The following EYS variants were observed in gnomAD, a reference collection of about 807,000 sequenced individuals.
The protein encoded by EYS is EGF-like photoreceptor maintenance factor, also known as protein eyes shut homolog.
EYS carries 250 observed loss-of-function variants against 282.1 expected under a neutral mutation model. That is an observed-to-expected ratio of 0.89 (90% CI 0.80 to 0.98). The LOEUF is 0.98. EYS is among the 50% of genes least tolerant of loss of function. EYS has a pLI of 0.00. For synonymous variants in EYS, 1,355 were observed against 1,282.9 expected (o/e 1.06, Z -1.20); for missense variants, 4,016 against 3,709.0 (o/e 1.08, Z -2.15).
chr6:64,354,602 C>T (rs1771761184), intron 29 of EYS, among the ~76,000 whole-genome samples: 2 of 151,288 alleles, frequency 1.3e-5, no homozygotes, highest in South Asian at 4.2e-4. Context: ...CTATTTTTTC[C>T]TTCATTTGAG....
At chr6:63,939,408 G>A (rs1428907054) in intron 35 of EYS, among the ~76,000 whole-genome samples, 4 of 152,074 alleles carry the variant, frequency 2.6e-5, no homozygotes, top group Non-Finnish European at 5.9e-5. Context: ...CACTGTTAAC[G>A]GGGTTGGGAA....
chr6:65,600,602 G>A (rs1250483703), intron 2 of EYS, among the ~76,000 whole-genome samples: 1 of 151,952 alleles, frequency 6.6e-6, no homozygotes, highest in Non-Finnish European at 1.5e-5. Context: ...TCGTGAACAC[G>A]AAAACAAGTT....
At chr6:65,562,136 T>C (rs561183367) in intron 2 of EYS, among the ~76,000 whole-genome samples, 1 of 151,984 alleles carries the variant, frequency 6.6e-6, no homozygotes, top group South Asian at 2.1e-4. Flanking sequence ...ATTAGCCTAC[T>C]ATCTGACTAC....
chr6:64,802,023 C>CTTTTTTTTTTTTTTTTTT lies in EYS; in HGVS notation c.3443+11354_3443+11355insAAAAAAAAAAAAAAAAAA, dbSNP rs1199002175. ...AGAGAGTTATAACAAATTTCTTTTT[C>CTTTTTTTTTTTTTTTTTT]TTTTTTTTTCTTTTTTTTTTTTTTT... On this transcript the variant is annotated intron_variant, in intron 22 of 42. Coordinates refer to ENST00000503581, the MANE Select transcript of EYS (RefSeq NM_001142800.2). 5.7e-5 allele frequency among the ~76,000 whole-genome samples: 4 copies of CTTTTTTTTTTTTTTTTTT among 70,780 alleles called. 1 individual carries two copies. Among genetic ancestry groups the CTTTTTTTTTTTTTTTTTT allele is most frequent in the Non-Finnish European group, 1.1e-4 (4 of 37,032 alleles). 46.4% of individuals were successfully genotyped at this position (70,780 alleles called of 152,430 possible).
intron 22 of EYS, among the ~76,000 whole-genome samples, chr6:64,792,472 G>A (rs895708929): frequency 6.6e-6 from 1 of 151,968 alleles, no homozygotes; most frequent in Non-Finnish European, 1.5e-5. Context: ...AATTATACGT[G>A]CTGTGACAGT....
At chr6:65,090,161 C>T (rs564691506) in intron 12 of EYS, among the ~76,000 whole-genome samples, 21 of 152,108 alleles carry the variant, frequency 1.4e-4, no homozygotes, top group Admixed American at 7.2e-4. Context: ...AATTGTAATA[C>T]CCATAATCCC....
intron 2 of EYS, among the ~76,000 whole-genome samples, chr6:65,526,639 A>G (rs1767576273): frequency 6.6e-6 from 1 of 152,072 alleles, no homozygotes; most frequent in African/African-American, 2.4e-5. Context: ...CCCCGTCTCT[A>G]CTAAAAAATA....
intron 29 of EYS, among the ~76,000 whole-genome samples, chr6:64,315,270 A>T (rs1312730556): frequency 6.6e-6 from 1 of 152,194 alleles, no homozygotes; most frequent in Non-Finnish European, 1.5e-5. Flanking sequence ...TTGAGGCAGT[A>T]ATTAATAGCC....
rs1048251073 is a variant in EYS, at chr6:65,550,143, CTTTTTTTTTTTTTTTTTTTTTTTT to C, written c.-332-54174_-332-54151del. Among the ~76,000 whole-genome samples, 8 of 5,956 alleles carry C rather than the reference CTTTTTTTTTTTTTTTTTTTTTTTT, an allele frequency of 1.3e-3. 1 individual carries two copies. The highest frequency in any genetic ancestry group is 1.7e-3 in the Non-Finnish European group (7 of 4,066). 3.9% of individuals were successfully genotyped at this position (5,956 alleles called of 152,430 possible). On this transcript the variant is annotated intron_variant, in intron 2 of 42. Transcript: ENST00000503581. ...AAGTTAGTATCTGACTCTACTATAT[CTTTTTTTTTTTTTTTTTTTTTTTT>C]TTTTTTTTTTTTTTTTTTGGGGATA...
In EYS at chr6:64,223,623, T is replaced by C. The variant is rs971196732; in HGVS notation, c.6424+6969A>G. Among the ~76,000 whole-genome samples the C allele has an allele frequency of 2.0e-5, 3 of 152,080 alleles. No individual in the cohort carries two copies. In the East Asian group the frequency reaches 5.8e-4, roughly 29 times the overall value. On this transcript the variant is annotated intron_variant, in intron 31 of 42. Transcript: ENST00000503581. ...TAAGTTACTAAACTTTTTTTGAACA[T>C]TGTTTCTGCACCTCTAAAATGTTAG...
rs77466738 is a variant in EYS at position 64,219,472 on chromosome 6, T to C, written c.6424+11120A>G. Among the ~76,000 whole-genome samples the C allele has an allele frequency of 2.9e-3, 438 of 152,306 alleles. 15 individuals are homozygous for C. The East Asian group carries it at 0.074, about 26-fold the overall frequency. ...GAATGCATTACTATCTCAATATAGA[T>C]GACATTATTTTTGTTTTTGTTTGTT... On this transcript the variant is annotated intron_variant, in intron 31 of 42. Coordinates refer to ENST00000503581, the MANE Select transcript of EYS (RefSeq NM_001142800.2).
At chr6:64,765,389 T>C (rs1378783821) in intron 22 of EYS, among the ~76,000 whole-genome samples, 1 of 152,206 alleles carries the variant, frequency 6.6e-6, no homozygotes, top group Admixed American at 6.5e-5. Flanking sequence ...CAAGCTTACC[T>C]GCATCTTTCT....
At chr6:65,158,651 G>A (rs1319030316) in intron 12 of EYS, among the ~76,000 whole-genome samples, 1 of 150,804 alleles carries the variant, frequency 6.6e-6, no homozygotes, top group Non-Finnish European at 1.5e-5. Context: ...AGAGAAAAAG[G>A]ACAGGGTTTA....
chr6:65,638,068 A>G (rs1361520751), intron 2 of EYS, among the ~76,000 whole-genome samples: 1 of 152,136 alleles, frequency 6.6e-6, no homozygotes, highest in Non-Finnish European at 1.5e-5. Context: ...GGGCCTGCCA[A>G]TGACAGCCCA....
At chr6:64,702,282 C>T (rs1035548864) in intron 22 of EYS, among the ~76,000 whole-genome samples, 3 of 151,952 alleles carry the variant, frequency 2.0e-5, no homozygotes, top group Non-Finnish European at 2.9e-5. Flanking sequence ...CAGAGCCTAC[C>T]AGTATCAATC....
At chr6:65,615,611 C>A (rs1473321430) in intron 2 of EYS, among the ~76,000 whole-genome samples, 1 of 151,952 alleles carries the variant, frequency 6.6e-6, no homozygotes, top group Non-Finnish European at 1.5e-5. Flanking sequence ...GGCATCTACA[C>A]GAATACTTCT....
At chr6:64,163,378 G>A (rs1368834289) in intron 31 of EYS, among the ~76,000 whole-genome samples, 2 of 151,840 alleles carry the variant, frequency 1.3e-5, no homozygotes, top group African/African-American at 2.4e-5. Context: ...AATTCCAAAA[G>A]TGTTCAGAAA....
At chr6:64,401,937 C>A (rs932753665) in intron 28 of EYS, among the ~76,000 whole-genome samples, 1 of 152,060 alleles carries the variant, frequency 6.6e-6, no homozygotes, top group Admixed American at 6.6e-5. Flanking sequence ...CCCCATGTTT[C>A]CTGTTTAGGC....
At chr6:64,383,688 G>T (rs1229120499) in intron 29 of EYS, among the ~76,000 whole-genome samples, 6 of 152,186 alleles carry the variant, frequency 3.9e-5, no homozygotes, top group Non-Finnish European at 8.8e-5. Context: ...CATTTGTTGT[G>T]CAGTGATTCT....
Sources: gnomAD v4.1 joint callset for allele counts (sites outside exome capture counted in the v4.1 genomes callset) on GRCh38, gnomAD v4.1.1 for gene constraint, MANE v1.5 for transcripts, NCBI Gene and HGNC (gene_info 2026-07-23, HGNC 2026-07-21) for gene names.